Variants in IDH2 observed in about 807,000 individuals in gnomAD.
IDH2 encodes the protein isocitrate dehydrogenase [NADP], mitochondrial.
IDH2 carries 18 observed loss-of-function variants against 50.5 expected under a neutral mutation model. The ratio of observed to expected loss-of-function variants is 0.36; its 90% CI spans 0.25 to 0.53. The LOEUF (loss-of-function observed/expected upper bound fraction) is 0.53, where lower values mean the gene tolerates loss of function less well. IDH2 is among the 20% of genes least tolerant of loss of function. The pLI is 0.92. For synonymous variants in IDH2, 280 were observed against 239.8 expected, an observed-to-expected ratio of 1.17 and a Z score of -1.55; for missense variants, 518 against 610.7, an observed-to-expected ratio of 0.85 and a Z score of 1.60.
rs529638451 is a variant in IDH2, at chr15:90,088,732, T to A, written c.389A>T (p.Lys130Met). 1.2e-6 allele frequency: 2 copies of A among 1,614,026 alleles called. No individual in the cohort carries two copies. The highest frequency in any genetic ancestry group is 1.3e-5 in the African/African-American group (1 of 74,996). The change falls in exon 4 of 11, where the codon AAG becomes ATG. Residue 130 changes from lysine (K) to methionine (M), a missense_variant. Lys to Met is a moderately conservative substitution (Grantham distance 95, BLOSUM62 -1). This residue lies in a region of IDH2 where 207 missense variants were observed against 208.6 expected (regional missense o/e 0.99). Coordinates refer to ENST00000330062, the MANE Select transcript of IDH2 (RefSeq NM_002168.4). ...AGTTCCATTGGGACTTTTCCACATC[T>A]TCTTCAGCTTGAACTCTGTGAGGAC... is the stretch of plus-strand genomic sequence containing the variant. ...EARVEEFKLK[K>M]MWKSPNGTIR...
At chr15:90,094,960 T>C (rs6496622) in intron 1 of IDH2, among the ~76,000 whole-genome samples, 45,296 of 151,948 alleles carry the variant, frequency 0.3, 7,985 homozygotes, top group East Asian at 0.58. Context: ...AGGGACAGAA[T>C]ACCTGTGAAA....
At chr15:90,087,726 A>T in intron 5 of IDH2, 151 bp from the exon 6 acceptor site, 2 of 693,682 alleles carry the variant, frequency 2.9e-6, no homozygotes, top group Non-Finnish European at 4.8e-6. Flanking sequence ...AGTGCACACG[A>T]TGTTTCTGCT....
Position 90,098,040 on chromosome 15 carries a change from T to TA in IDH2, c.115+4235dup, listed in dbSNP as rs953247808. Among the ~76,000 whole-genome samples, 1 of 152,116 alleles carries TA rather than the reference T, an allele frequency of 6.6e-6. No individual in the cohort carries two copies. Among genetic ancestry groups the TA allele is most frequent in the Non-Finnish European group, 1.5e-5 (1 of 68,026 alleles). On this transcript the variant is annotated intron_variant, in intron 1 of 10. Transcript: ENST00000330062. The surrounding 1 kb of genome is among the most constrained non-coding windows in gnomAD (Gnocchi z 5.1). ...TGCTGTTCAGCCTGTATGGTGGAGA[T>TA]ACAGCCATGGTCTGCCCTTCTCTGA...
intron 2 of IDH2, among the ~76,000 whole-genome samples, chr15:90,091,115 G>T (rs10520685): frequency 1.3e-5 from 2 of 152,002 alleles, no homozygotes; most frequent in Non-Finnish European, 2.9e-5. Context: ...CATAGACCAC[G>T]GCAACTTTGG....
In IDH2 at chr15:90,098,229, G is replaced by A. The variant is rs774374221; in HGVS notation, c.115+4047C>T. Among the ~76,000 whole-genome samples the A allele has an allele frequency of 6.6e-6, 1 of 152,188 alleles. No homozygotes were observed. The highest frequency in any genetic ancestry group is 2.1e-4 in the South Asian group (1 of 4,834). On this transcript the variant is annotated intron_variant, in intron 1 of 10. Coordinates refer to ENST00000330062, the MANE Select transcript of IDH2 (RefSeq NM_002168.4). The surrounding 1 kb of genome is among the most constrained non-coding windows in gnomAD (Gnocchi z 5.1). ...GAATTACACCAGTCACCAGAGGCAC[G>A]TTAGGCTGACTCTCCTCCCTGTCTG...
intron 1 of IDH2, among the ~76,000 whole-genome samples, chr15:90,096,488 G>GA (rs1445421317): frequency 4.7e-4 from 71 of 151,346 alleles, no homozygotes; most frequent in Middle Eastern, 3.4e-3. Flanking sequence ...CTACTATCAG[G>GA]AAAAGAAAAA....
intron 1 of IDH2, among the ~76,000 whole-genome samples, chr15:90,096,077 A>T (rs1347128842): frequency 6.6e-6 from 1 of 152,210 alleles, no homozygotes; most frequent in Non-Finnish European, 1.5e-5. Flanking sequence ...AGGGCAGATC[A>T]CTTGAGGTCA....
rs1033234296 is a variant in IDH2, at chr15:90,083,085, T to A, written c.*1181A>T. ...GCTTTAGAGCAACTTTTATTTTTCC[T>A]TTTTACATGGGGCTAAAAAACTTGC... is the stretch of plus-strand genomic sequence containing the variant. On this transcript the variant is annotated 3_prime_UTR_variant, in exon 11 of 11. Transcript: ENST00000330062. 6.6e-6 allele frequency: 1 copy of A among 152,052 alleles called. No individual in the cohort carries two copies. The highest frequency in any genetic ancestry group is 6.6e-5 in the Admixed American group (1 of 15,236). 9.4% of individuals were successfully genotyped at this position (152,052 alleles called of 1,614,324 possible). A position where few individuals can be genotyped will look rare whatever the true frequency, so the allele number is the denominator to read the frequency against.
Position 90,102,383 on chromosome 15 carries a change from C to A in IDH2, c.8G>T (p.Gly3Val), listed in dbSNP as rs754014307. MAGYLRVVRSLCR... is the reference protein window; with the variant it reads MAVYLRVVRSLCR... ...GAGCGAGCGCACGACCCGCAGGTAG[C>A]CGGCCATCCCAAGCTGGAGAGCGAA... is the stretch of plus-strand genomic sequence containing the variant. The change falls in exon 1 of 11, where the codon GGC becomes GTC. Residue 3 changes from glycine (G) to valine (V), a missense_variant. By Grantham distance (109) the Gly-to-Val change is moderately radical. Coordinates refer to ENST00000330062, the MANE Select transcript of IDH2 (RefSeq NM_002168.4). 7.4e-7 allele frequency: 1 copy of A among 1,356,802 alleles called. No individual in the cohort carries two copies. Among genetic ancestry groups the A allele is most frequent in the South Asian group, 1.6e-5 (1 of 61,338 alleles). 84.0% of individuals were successfully genotyped at this position (1,356,802 alleles called of 1,614,324 possible). A position where few individuals can be genotyped will look rare whatever the true frequency, so the allele number is the denominator to read the frequency against.
intron 1 of IDH2, among the ~76,000 whole-genome samples, chr15:90,095,157 T>C (rs1901149603): frequency 6.6e-6 from 1 of 151,930 alleles, no homozygotes; most frequent in East Asian, 1.9e-4. Context: ...AGAGGCAAGA[T>C]AGAGCCCAGG....
intron 1 of IDH2, among the ~76,000 whole-genome samples, chr15:90,094,525 T>TTACA (rs1165019366): frequency 1.5e-4 from 23 of 152,342 alleles, no homozygotes; most frequent in Admixed American, 1.1e-3. Flanking sequence ...TTACACACAG[T>TTACA]CCTTAGAGAG....
At chr15:90,088,232 C>G (rs967108134) in intron 5 of IDH2, 127 bp downstream of exon 5, 1 of 1,221,088 alleles carries the variant, frequency 8.2e-7, no homozygotes, top group East Asian at 2.3e-5. Flanking sequence ...ATGCCCAGCC[C>G]TGGTGGCCAT....
At position 90,092,479 on chromosome 15, in the gene IDH2, T is replaced by C. The variant is rs190925555; in HGVS notation, c.116-835A>G. On this transcript the variant is annotated intron_variant, in intron 1 of 10. Transcript: ENST00000330062. ...GGAATGCACTGATGCCATCATAGCT[T>C]ACTGCAGCATTGACTTCCTGGCTTC... Among the ~76,000 whole-genome samples, 136 of 152,098 alleles carry C rather than the reference T, an allele frequency of 8.9e-4. 3 individuals are homozygous for C. Among genetic ancestry groups the C allele is most frequent in the Non-Finnish European group, 1.6e-4 (11 of 68,000 alleles).
At chr15:90,093,609 A>ATTTATTT (rs368978089) in intron 1 of IDH2, among the ~76,000 whole-genome samples, 28 of 150,440 alleles carry the variant, frequency 1.9e-4, no homozygotes, top group Non-Finnish European at 2.2e-4. Context: ...TTAATTAATT[A>ATTTATTT]ATTTATTTAT....
intron 1 of IDH2, among the ~76,000 whole-genome samples, chr15:90,099,771 G>A (rs1031764844): frequency 6.6e-6 from 1 of 151,992 alleles, no homozygotes; most frequent in Non-Finnish European, 1.5e-5. Flanking sequence ...CTTAGCTCTT[G>A]TACCCATATA....
Position 90,085,950 on chromosome 15 carries a change from A to G in IDH2, c.968-563T>C, listed in dbSNP as rs1900849320. Among the ~76,000 whole-genome samples the G allele has an allele frequency of 6.6e-6, 1 of 152,246 alleles. No individual in the cohort carries two copies. The highest frequency in any genetic ancestry group is 6.5e-5 in the Admixed American group (1 of 15,284). ...CACCAAAATAAGGATTGAAGAAAGA[A>G]AACATGGACAACATCTACAGGAAAA... is the stretch of plus-strand genomic sequence containing the variant. On this transcript the variant is annotated intron_variant, in intron 7 of 10. Transcript: ENST00000330062. The surrounding 1 kb of genome is among the most constrained non-coding windows in gnomAD (Gnocchi z 5.5).
At position 90,095,379 on chromosome 15, in the gene IDH2, AC is replaced by A. The variant is rs201128130; in HGVS notation, c.116-3736del. 2.0e-5 allele frequency among the ~76,000 whole-genome samples: 3 copies of A among 152,024 alleles called. No individual in the cohort carries two copies. In the East Asian group the frequency reaches 5.8e-4, roughly 29 times the overall value. On this transcript the variant is annotated intron_variant, in intron 1 of 10. Coordinates refer to ENST00000330062, the MANE Select transcript of IDH2 (RefSeq NM_002168.4). ...AAGCTTGAGTGGAAAGAGCTGCAGA[AC>A]CTGCGGAAAGTCTGTTGAGCTGTTG...
At chr15:90,096,778 G>A (rs536871347) in intron 1 of IDH2, among the ~76,000 whole-genome samples, 1 of 152,122 alleles carries the variant, frequency 6.6e-6, no homozygotes, top group African/African-American at 2.4e-5. Flanking sequence ...GCCAGGCGTG[G>A]TGGCAGGCGC....
rs1900803268 is a variant in IDH2 at position 90,084,409 on chromosome 15, C to T, written c.1272-56G>A. 5 of 1,475,168 alleles carry T rather than the reference C, an allele frequency of 3.4e-6. No homozygotes were observed. The highest frequency in any genetic ancestry group is 4.7e-6 in the Non-Finnish European group (5 of 1,064,984). 91.4% of individuals were successfully genotyped at this position (1,475,168 alleles called of 1,614,324 possible). A position where few individuals can be genotyped will look rare whatever the true frequency, so the allele number is the denominator to read the frequency against. ...TGGCTCCAGGCCTTGCCAAGGCCATCAGCCAGGCCCTTCCAGGGAACAGCC... is the reference window on the plus strand; with the variant it reads ...TGGCTCCAGGCCTTGCCAAGGCCATTAGCCAGGCCCTTCCAGGGAACAGCC... On this transcript the variant is annotated intron_variant, in intron 10 of 10. Coordinates refer to ENST00000330062, the MANE Select transcript of IDH2 (RefSeq NM_002168.4). This position sits in a 1 kb window ranked among gnomAD's most constrained non-coding sequence, Gnocchi z 5.0.
Sources: gnomAD v4.1 joint callset for allele counts (sites outside exome capture counted in the v4.1 genomes callset) on GRCh38, gnomAD v4.1.1 for gene constraint, gnomAD v4.1.1 regional missense constraint, Gnocchi (gnomAD v3.1) non-coding constraint, MANE v1.5 for transcripts, NCBI Gene and HGNC (gene_info 2026-07-23, HGNC 2026-07-21) for gene names.